Variants in DBF4B observed in about 807,000 individuals in gnomAD.
DBF4B encodes the protein protein DBF4 homolog B.
Under a neutral mutation model 53.4 loss-of-function variants are expected in DBF4B, and 49 were observed. The observed-to-expected ratio is 0.92, with a 90% confidence interval of 0.73 to 1.16. The LOEUF (loss-of-function observed/expected upper bound fraction) is 1.16. Among genes scored for constraint, DBF4B ranks in the 50% most tolerant of loss-of-function variants. The pLI, the probability that DBF4B is intolerant of heterozygous loss-of-function variation, is 0.00. For missense variants in DBF4B, 692 were observed against 775.0 expected (o/e 0.89, Z 1.27); for synonymous variants, 257 against 288.7 (o/e 0.89, Z 1.11).
intron 2 of DBF4B, among the ~76,000 whole-genome samples, chr17:44,717,983 A>G (rs1326447237): frequency 6.6e-5 from 10 of 151,544 alleles, no homozygotes; most frequent in Non-Finnish European, 1.2e-4. Context: ...CCATGATCAC[A>G]CCACTGCACT....
chr17:44,734,423 C>T (rs557381710), intron 7 of DBF4B, among the ~76,000 whole-genome samples: 1 of 152,326 alleles, frequency 6.6e-6, no homozygotes, highest in African/African-American at 2.4e-5. Flanking sequence ...CTGCCTGGGC[C>T]ATGGGCTCCC....
rs922170714 is a variant in DBF4B at position 44,722,881 on chromosome 17, A to C, written c.84A>C (p.Gly28=). ...AESRLRAPDL[G]VSRCLGKCQK... is the part of the protein sequence containing the mutation. The stretch of plus-strand genomic sequence containing the variant: ...TTGCTCCTCTTTATTGTTTTCTAGG[A>C]GTTTCCAGGTGTCTAGGAAAATGCC... The change falls in exon 3 of 14, where the codon GGA becomes GGC. Residue 28 remains glycine, a splice_region_variant and synonymous_variant. Transcript: ENST00000315005. 1 of 1,613,446 alleles carries C rather than the reference A, an allele frequency of 6.2e-7. No homozygotes were observed. The highest frequency in any genetic ancestry group is 8.5e-7 in the Non-Finnish European group (1 of 1,179,806).
rs1220130218 is a variant in DBF4B at position 44,749,501 on chromosome 17, A to G, written c.1189+1036A>G. 2 of 1,277,788 alleles carry G rather than the reference A, an allele frequency of 1.6e-6. No individual in the cohort carries two copies. The highest frequency in any genetic ancestry group is 1.1e-4 in the East Asian group (2 of 17,868). The allele number at this position is 1,277,788 out of a possible 1,614,324, so 79.2% of individuals were successfully genotyped here. A position where few individuals can be genotyped will look rare whatever the true frequency, so the allele number is the denominator to read the frequency against. ...CGGGCCTGGCCTTTGAAGTCCAGCAAGCAGCTGTCACGCTCAGCTCCATGG... is the reference window on the plus strand; with the variant it reads ...CGGGCCTGGCCTTTGAAGTCCAGCAGGCAGCTGTCACGCTCAGCTCCATGG... On this transcript the variant is annotated intron_variant, in intron 13 of 13. Transcript: ENST00000315005. This position sits in a 1 kb window ranked among gnomAD's most constrained non-coding sequence, Gnocchi z 4.4.
Position 44,712,238 on chromosome 17 carries a change from A to G in DBF4B, c.82+2872A>G, listed in dbSNP as rs866531461. On this transcript the variant is annotated intron_variant, in intron 2 of 13. Transcript: ENST00000315005. ...TTAACTATTTCTTCTAGAAGCTACCACCTTATTTCTGTAATAATATGCTCA... is the reference window on the plus strand; with the variant it reads ...TTAACTATTTCTTCTAGAAGCTACCGCCTTATTTCTGTAATAATATGCTCA... Among the ~76,000 whole-genome samples, 4 of 147,532 alleles carry G rather than the reference A, an allele frequency of 2.7e-5. 1 individual carries two copies. The South Asian group carries it at 8.5e-4, about 31-fold the overall frequency.
intron 2 of DBF4B, among the ~76,000 whole-genome samples, chr17:44,716,277 A>G (rs902562166): frequency 2.6e-5 from 4 of 152,040 alleles, no homozygotes; most frequent in Admixed American, 2.0e-4. Context: ...CTCAGTTGTC[A>G]CTAGTTTGTA....
intron 10 of DBF4B, among the ~76,000 whole-genome samples, chr17:44,744,123 A>G (rs1351020276): frequency 8.6e-6 from 1 of 115,942 alleles, no homozygotes; most frequent in Non-Finnish European, 1.6e-5. Context: ...ATATTTTTAA[A>G]AAATCTGGCC....
intron 3 of DBF4B, among the ~76,000 whole-genome samples, chr17:44,728,982 G>C (rs1974587489): frequency 6.6e-6 from 1 of 152,024 alleles, no homozygotes; most frequent in African/African-American, 2.4e-5. Flanking sequence ...TGTTGTCCCA[G>C]CTACTTGGGA....
intron 7 of DBF4B, 69 bp downstream of exon 7, chr17:44,734,232 A>G: frequency 6.3e-7 from 1 of 1,592,038 alleles, no homozygotes; most frequent in Non-Finnish European, 8.6e-7. Context: ...ACTTAGGTAA[A>G]TCCATGGCCC....
chr17:44,738,363 A>C lies in DBF4B; in HGVS notation c.668-16A>C. On this transcript the variant is annotated splice_polypyrimidine_tract_variant and intron_variant, in intron 8 of 13. Transcript: ENST00000315005. Reference sequence around the variant, plus strand: ...GGGCAGACAGATAGCTGATGTGTGCATTCTTCCCCTTTCAGTGGCCAGACT... The same window carrying C: ...GGGCAGACAGATAGCTGATGTGTGCCTTCTTCCCCTTTCAGTGGCCAGACT... The C allele has an allele frequency of 6.2e-7, 1 of 1,612,904 alleles. No individual in the cohort carries two copies. The highest frequency in any genetic ancestry group is 8.5e-7 in the Non-Finnish European group (1 of 1,179,208).
At chr17:44,740,774 T>C (rs1975922964) in intron 9 of DBF4B, among the ~76,000 whole-genome samples, 2 of 152,228 alleles carry the variant, frequency 1.3e-5, no homozygotes, top group African/African-American at 4.8e-5. Context: ...TTTCCTTAGA[T>C]ATAAAATAGG....
intron 12 of DBF4B, 41 bp from the exon 13 acceptor site, chr17:44,748,300 G>A: frequency 6.4e-7 from 1 of 1,553,398 alleles, no homozygotes; most frequent in Non-Finnish European, 8.7e-7. Flanking sequence ...GGCCTGCTGT[G>A]AAGTTGAAAC....
chr17:44,714,732 A>G (rs563007528), intron 2 of DBF4B, among the ~76,000 whole-genome samples: 6 of 152,268 alleles, frequency 3.9e-5, no homozygotes, highest in African/African-American at 1.2e-4. Context: ...ATTTTTTTGT[A>G]GAAGTGGAGT....
rs183394220 is a variant in DBF4B, at chr17:44,748,209, C to A, written c.1065-132C>A. On this transcript the variant is annotated intron_variant, in intron 12 of 13. Transcript: ENST00000315005. Reference sequence around the variant, plus strand: ...AGACCCAAACAGGAGGACTTTCACACAGGGCCTCAGAGAAGGCAGCTCTCT... The same window carrying A: ...AGACCCAAACAGGAGGACTTTCACAAAGGGCCTCAGAGAAGGCAGCTCTCT... 3.2e-3 allele frequency: 3,913 copies of A among 1,230,240 alleles called. 36 individuals carry two copies. Among genetic ancestry groups the A allele is most frequent in the Admixed American group, 2.7e-3 (117 of 43,210 alleles). 76.2% of individuals were successfully genotyped at this position (1,230,240 alleles called of 1,614,324 possible).
At chr17:44,731,335 TGTGGTGGCTCAC>T (rs147945153) in intron 5 of DBF4B, 38 of 306,890 alleles carry the variant, frequency 1.2e-4, no homozygotes, top group African/African-American at 8.3e-4. Flanking sequence ...CTAGGCTGGG[TGTGGTGGCTCAC>T]GCCTATAATC....
At chr17:44,734,255 T>C (rs1022663219) in intron 7 of DBF4B, 92 bp downstream of exon 7, 12 of 1,492,150 alleles carry the variant, frequency 8.0e-6, no homozygotes, top group African/African-American at 6.9e-5. Flanking sequence ...CCAAACCATC[T>C]CTTCCTGGCC....
At chr17:44,748,602 G>T (rs1397471249) in intron 13 of DBF4B, 137 bp downstream of exon 13, 1 of 1,529,208 alleles carries the variant, frequency 6.5e-7, no homozygotes, top group Non-Finnish European at 8.8e-7. Context: ...ACCCCCCAGG[G>T]ATACCAGTGT....
At chr17:44,725,064 C>T (rs1005507138) in intron 3 of DBF4B, among the ~76,000 whole-genome samples, 9 of 141,230 alleles carry the variant, frequency 6.4e-5, no homozygotes, top group South Asian at 2.2e-4. Flanking sequence ...TGCGGTGAGT[C>T]GAGATCACGC....
At chr17:44,746,203 G>C (rs1295653110) in intron 10 of DBF4B, among the ~76,000 whole-genome samples, 2 of 143,092 alleles carry the variant, frequency 1.4e-5, no homozygotes, top group African/African-American at 2.6e-5. Context: ...CTGCACTCCA[G>C]CCTGGGTGAC....
chr17:44,751,647 G>A lies in DBF4B; in HGVS notation c.*394G>A. The A allele has an allele frequency of 1.4e-6, 2 of 1,380,326 alleles. No individual in the cohort carries two copies. Among genetic ancestry groups the A allele is most frequent in the Non-Finnish European group, 1.9e-6 (2 of 1,067,612 alleles). The allele number at this position is 1,380,326 out of a possible 1,614,324, so 85.5% of individuals were successfully genotyped here. ...TTCAGTAAATCGACTTCAAATACTT[G>A]AAGGCTCCCACCTTCTGTTCTCTGG... On this transcript the variant is annotated 3_prime_UTR_variant, in exon 14 of 14. Coordinates refer to ENST00000315005, the MANE Select transcript of DBF4B (RefSeq NM_145663.3).
Sources: allele counts gnomAD v4.1 joint callset (sites outside exome capture counted in the v4.1 genomes callset), GRCh38; gene constraint gnomAD v4.1.1; non-coding constraint Gnocchi (gnomAD v3.1); transcripts MANE v1.5; gene names NCBI Gene and HGNC (gene_info 2026-07-23, HGNC 2026-07-21).